CREB5: variants seen among roughly 807,000 people sequenced by gnomAD.
CREB5 encodes the protein cAMP responsive element binding protein 5, also known as cyclic AMP-responsive element-binding protein 5.
Under a neutral mutation model 57.1 loss-of-function variants are expected in CREB5, and 19 were observed. The ratio of observed to expected loss-of-function variants is 0.33; its 90% CI spans 0.23 to 0.49. The LOEUF (loss-of-function observed/expected upper bound fraction) is 0.49. CREB5 is among the 20% of genes least tolerant of loss of function. The pLI is 0.99. For synonymous variants in CREB5, 238 were observed against 238.3 expected, an observed-to-expected ratio of 1.00 and a Z score of 0.01; for missense variants, 579 against 671.6, an observed-to-expected ratio of 0.86 and a Z score of 1.52.
chr7:28,396,528 T>C (rs1164277221), intron 1 of CREB5, among the ~76,000 whole-genome samples: 1 of 152,206 alleles, frequency 6.6e-6, no homozygotes, highest in African/African-American at 2.4e-5. Flanking sequence ...AAACTAGTAA[T>C]ATAATCTCTT....
In CREB5 at chr7:28,497,816, C is replaced by A. The variant is rs914308271; in HGVS notation, c.169+2817C>A. Among the ~76,000 whole-genome samples, 8 of 152,196 alleles carry A rather than the reference C, an allele frequency of 5.3e-5. No individual in the cohort carries two copies. The East Asian group carries it at 9.6e-4, about 18-fold the overall frequency. On this transcript the variant is annotated intron_variant, in intron 3 of 10. Transcript: ENST00000357727. The stretch of plus-strand genomic sequence containing the variant: ...TCCTTCAGTGTTTATTTTTCTCAAG[C>A]CTTATTTTCCATAAGGCTAATTGTG...
chr7:28,608,153 A>T (rs978931259), intron 5 of CREB5, among the ~76,000 whole-genome samples: 353 of 146,626 alleles, frequency 2.4e-3, no homozygotes, highest in Non-Finnish European at 4.2e-3. Context: ...ACACACACAC[A>T]CACTCTCAAA....
chr7:28,753,630 AG>A (rs1445279756), intron 7 of CREB5, among the ~76,000 whole-genome samples: 2 of 152,178 alleles, frequency 1.3e-5, no homozygotes, highest in African/African-American at 4.8e-5. Flanking sequence ...AACCCTGTGT[AG>A]ATTACAGCTT....
chr7:28,598,750 C>T (rs1054201409), intron 5 of CREB5, among the ~76,000 whole-genome samples: 13 of 152,112 alleles, frequency 8.5e-5, no homozygotes, highest in Admixed American at 8.5e-4. Flanking sequence ...TGTGAGGTGA[C>T]CTGATGTTAA....
rs1333998830 is a variant in CREB5, at chr7:28,822,930, TTTG to T, written c.*3653_*3655del. ...AACACAGCCTGTGGGAGACAAGCAG[TTTG>T]TGTGCTCACAGTATATATTATAGTA... On this transcript the variant is annotated 3_prime_UTR_variant, in exon 11 of 11. Coordinates refer to ENST00000357727, the MANE Select transcript of CREB5 (RefSeq NM_182898.4). 2 of 152,602 alleles carry T rather than the reference TTTG, an allele frequency of 1.3e-5. No homozygotes were observed. The highest frequency in any genetic ancestry group is 2.9e-5 in the Non-Finnish European group (2 of 68,054). The allele number at this position is 152,602 out of a possible 1,614,324, so 9.5% of individuals were successfully genotyped here. A position where few individuals can be genotyped will look rare whatever the true frequency, so the allele number is the denominator to read the frequency against.
In CREB5 at chr7:28,515,338, C is replaced by T. The variant is rs569889042; in HGVS notation, c.291+7601C>T. Among the ~76,000 whole-genome samples, 9 of 152,288 alleles carry T rather than the reference C, an allele frequency of 5.9e-5. No individual in the cohort carries two copies. The South Asian group carries it at 1.9e-3, about 32-fold the overall frequency. On this transcript the variant is annotated intron_variant, in intron 4 of 10. Coordinates refer to ENST00000357727, the MANE Select transcript of CREB5 (RefSeq NM_182898.4). ...TGCCTCCCTGTCTTTTGGATGTATCCACTCTTAGGTGGATTTTGTTTACAC... is the reference window on the plus strand; with the variant it reads ...TGCCTCCCTGTCTTTTGGATGTATCTACTCTTAGGTGGATTTTGTTTACAC...
intron 1 of CREB5, among the ~76,000 whole-genome samples, chr7:28,361,075 C>T (rs1313581269): frequency 6.6e-6 from 1 of 152,060 alleles, no homozygotes; most frequent in Non-Finnish European, 1.5e-5. Context: ...GTCAATAGTC[C>T]TGAGGCTAAA....
chr7:28,530,084 CAA>C (rs1793655909), intron 4 of CREB5, among the ~76,000 whole-genome samples: 2 of 152,196 alleles, frequency 1.3e-5, no homozygotes, highest in Admixed American at 6.5e-5. Context: ...GATTTAAACT[CAA>C]GACTGCCCAA....
chr7:28,754,747 C>T (rs1805195132), intron 7 of CREB5, among the ~76,000 whole-genome samples: 1 of 152,134 alleles, frequency 6.6e-6, no homozygotes, highest in Non-Finnish European at 1.5e-5. Flanking sequence ...CCCCAATAAG[C>T]TCTCCAAACG....
Position 28,412,650 on chromosome 7 carries a change from A to T in CREB5, c.-265A>T. On this transcript the variant is annotated 5_prime_UTR_variant, in exon 1 of 11. Transcript: ENST00000357727. Reference sequence around the variant, plus strand: ...GACTACTGGAAAAATTAGTCTCATTACTAAAAGAAACTTAGAGAACGAGGG... The same window carrying T: ...GACTACTGGAAAAATTAGTCTCATTTCTAAAAGAAACTTAGAGAACGAGGG... The T allele has an allele frequency of 2.8e-6, 1 of 352,622 alleles. No homozygotes were observed. Among genetic ancestry groups the T allele is most frequent in the Non-Finnish European group, 5.1e-6 (1 of 197,296 alleles). The allele number at this position is 352,622 out of a possible 1,614,324, so 21.8% of individuals were successfully genotyped here. A position where few individuals can be genotyped will look rare whatever the true frequency, so the allele number is the denominator to read the frequency against.
intron 7 of CREB5, among the ~76,000 whole-genome samples, chr7:28,775,487 A>G (rs1232174205): frequency 1.3e-5 from 2 of 150,666 alleles, no homozygotes; most frequent in East Asian, 4.0e-4. Context: ...TGATTTTGGT[A>G]TATATCATTC....
intron 1 of CREB5, among the ~76,000 whole-genome samples, chr7:28,471,705 T>A (rs1330543950): frequency 6.6e-6 from 1 of 152,168 alleles, no homozygotes; most frequent in Non-Finnish European, 1.5e-5. Flanking sequence ...ATCTGCAGAG[T>A]GAGGCAGGCC....
At chr7:28,652,379 T>A (rs1799167299) in intron 5 of CREB5, among the ~76,000 whole-genome samples, 1 of 152,224 alleles carries the variant, frequency 6.6e-6, no homozygotes, top group Non-Finnish European at 1.5e-5. Context: ...TTTATTCTAG[T>A]AACCTAAACT....
At chr7:28,622,259 T>TCACA (rs4000593) in intron 5 of CREB5, among the ~76,000 whole-genome samples, 1,962 of 142,870 alleles carry the variant, frequency 0.014, 28 homozygotes, top group African/African-American at 0.038. Context: ...TCTCTCTCTC[T>TCACA]CACACACACA....
intron 9 of CREB5, among the ~76,000 whole-genome samples, chr7:28,815,038 A>C (rs993338404): frequency 2.0e-5 from 3 of 152,352 alleles, no homozygotes; most frequent in African/African-American, 7.2e-5. Flanking sequence ...GGGGAGGCTG[A>C]GGCTGGAGAA....
chr7:28,358,128 G>A (rs915195890), intron 1 of CREB5, among the ~76,000 whole-genome samples: 2 of 152,156 alleles, frequency 1.3e-5, no homozygotes, highest in African/African-American at 4.8e-5. Flanking sequence ...CACAACAACT[G>A]AAGTCCAAAA....
At chr7:28,351,880 A>T (rs1786194433) in intron 1 of CREB5, among the ~76,000 whole-genome samples, 1 of 152,248 alleles carries the variant, frequency 6.6e-6, no homozygotes, top group Non-Finnish European at 1.5e-5. Flanking sequence ...GATAGTGATG[A>T]GTGAAAGGGA....
intron 1 of CREB5, among the ~76,000 whole-genome samples, chr7:28,450,259 C>T (rs1220291580): frequency 2.0e-5 from 3 of 151,956 alleles, no homozygotes; most frequent in East Asian, 1.9e-4. Context: ...ATAAAAAGCC[C>T]GAGGGTACTT....
chr7:28,741,173 G>T (rs959486894), intron 7 of CREB5, among the ~76,000 whole-genome samples: 7 of 152,096 alleles, frequency 4.6e-5, no homozygotes, highest in African/African-American at 7.2e-5. Flanking sequence ...GCCTCCGTGC[G>T]CACTCATGGG....
Sources: allele counts gnomAD v4.1 joint callset (sites outside exome capture counted in the v4.1 genomes callset), GRCh38; gene constraint gnomAD v4.1.1; transcripts MANE v1.5; gene names NCBI Gene and HGNC (gene_info 2026-07-23, HGNC 2026-07-21).